Variants in TRPS1 observed in about 807,000 individuals in gnomAD.
The protein encoded by TRPS1 is zinc finger transcription factor Trps1.
In TRPS1, 6 loss-of-function variants were observed where a neutral mutation model predicts 101.2. The ratio of observed to expected loss-of-function variants is 0.06; its 90% CI spans 0.03 to 0.12. The LOEUF (loss-of-function observed/expected upper bound fraction) is 0.12. Among genes scored for constraint, TRPS1 ranks in the 10% least tolerant of loss-of-function variants. The pLI, the probability that TRPS1 is intolerant of heterozygous loss-of-function variation, is 1.00. For synonymous variants in TRPS1, 578 were observed against 589.8 expected (o/e 0.98, Z 0.29); for missense variants, 1,363 against 1,567.0 (o/e 0.87, Z 2.20).
intron 5 of TRPS1, among the ~76,000 whole-genome samples, chr8:115,503,316 A>G (rs1325793478): frequency 6.6e-6 from 1 of 151,960 alleles, no homozygotes; most frequent in Non-Finnish European, 1.5e-5. Context: ...TACGCGAATT[A>G]CCATAAAATT....
intron 5 of TRPS1, among the ~76,000 whole-genome samples, chr8:115,429,349 G>GT (rs1248583476): frequency 6.6e-6 from 1 of 152,182 alleles, no homozygotes; most frequent in African/African-American, 2.4e-5. Flanking sequence ...GAAGAAAGCA[G>GT]TGATTGTCTT....
chr8:115,617,543 C>G (rs77724522), intron 3 of TRPS1, among the ~76,000 whole-genome samples: 3,384 of 152,250 alleles, frequency 0.022, 108 homozygotes, highest in African/African-American at 0.076. Context: ...CCCTGACAGC[C>G]TAGATCAGCT....
intron 4 of TRPS1, among the ~76,000 whole-genome samples, chr8:115,595,611 C>A (rs1817768460): frequency 6.6e-6 from 1 of 151,840 alleles, no homozygotes; most frequent in Non-Finnish European, 1.5e-5. Context: ...TCTTAAAAAT[C>A]AAACTTAGAA....
chr8:115,623,817 G>A, intron 1 of TRPS1, 59 bp from the exon 2 acceptor site: 9 of 1,376,430 alleles, frequency 6.5e-6, no homozygotes, highest in Non-Finnish European at 8.5e-6. Flanking sequence ...ATATTTTCAT[G>A]TATCACACCT....
chr8:115,418,240 T>G lies in TRPS1; in HGVS notation c.2823+90A>C, dbSNP rs1365264002. The G allele has an allele frequency of 6.2e-7, 1 of 1,610,528 alleles. No homozygotes were observed. The highest frequency in any genetic ancestry group is 8.5e-7 in the Non-Finnish European group (1 of 1,177,880). ...AAAACAACCCTGCGGGGGCAGGCACTGCAAGCCAGGGAATGGGACTTATCA... is the reference window on the plus strand; with the variant it reads ...AAAACAACCCTGCGGGGGCAGGCACGGCAAGCCAGGGAATGGGACTTATCA... On this transcript the variant is annotated intron_variant, in intron 6 of 6. Coordinates refer to ENST00000395715, the MANE Select transcript of TRPS1 (RefSeq NM_014112.5). This position sits in a 1 kb window ranked among gnomAD's most constrained non-coding sequence, Gnocchi z 4.3.
At position 115,449,647 on chromosome 8, in the gene TRPS1, T is replaced by C. The variant is rs376001600; in HGVS notation, c.2701-31195A>G. 5.3e-4 allele frequency among the ~76,000 whole-genome samples: 80 copies of C among 152,332 alleles called. 1 individual carries two copies. The highest frequency in any genetic ancestry group is 1.9e-3 in the African/African-American group (79 of 41,584). Reference sequence around the variant, plus strand: ...GGCCCCACACCAAAATTTCATGATTTCTTCTCCATATTCTCTGCAACATAT... The same window carrying C: ...GGCCCCACACCAAAATTTCATGATTCCTTCTCCATATTCTCTGCAACATAT... On this transcript the variant is annotated intron_variant, in intron 5 of 6. Transcript: ENST00000395715.
intron 5 of TRPS1, among the ~76,000 whole-genome samples, chr8:115,479,956 T>C (rs1371686077): frequency 6.6e-6 from 1 of 152,112 alleles, no homozygotes; most frequent in African/African-American, 2.4e-5. Context: ...AATGGTTTTT[T>C]ACTTCCCAAT....
chr8:115,564,936 T>C (rs1258258863), intron 5 of TRPS1, among the ~76,000 whole-genome samples: 3 of 152,128 alleles, frequency 2.0e-5, no homozygotes, highest in African/African-American at 7.2e-5. Context: ...TTGAAAAGAC[T>C]GTCATTAAAA....
intron 5 of TRPS1, among the ~76,000 whole-genome samples, chr8:115,447,796 T>C (rs1307564206): frequency 6.6e-6 from 1 of 152,188 alleles, no homozygotes; most frequent in African/African-American, 2.4e-5. Context: ...CCAAAACTTA[T>C]GTTCAGTGTC....
intron 4 of TRPS1, among the ~76,000 whole-genome samples, chr8:115,599,461 G>A (rs147457299): frequency 0.016 from 2,480 of 152,022 alleles, 59 homozygotes; most frequent in African/African-American, 0.057. Context: ...ACATGCATTA[G>A]GTATTTGTCC....
chr8:115,562,180 TA>T (rs1231286681), intron 5 of TRPS1, among the ~76,000 whole-genome samples: 1 of 152,032 alleles, frequency 6.6e-6, no homozygotes, highest in Non-Finnish European at 1.5e-5. Flanking sequence ...TTTTAAAAAA[TA>T]GACCAATGAT....
intron 3 of TRPS1, 147 bp from the exon 4 acceptor site, chr8:115,605,149 G>A: frequency 1.3e-6 from 1 of 755,260 alleles, no homozygotes; most frequent in South Asian, 1.7e-5. Flanking sequence ...TGAATAATCA[G>A]AGCCAAATAA....
intron 5 of TRPS1, among the ~76,000 whole-genome samples, chr8:115,442,336 T>G (rs1464981404): frequency 2.0e-5 from 3 of 152,162 alleles, no homozygotes; most frequent in Non-Finnish European, 4.4e-5. Context: ...TAATTTTCTA[T>G]TTTTGCTTGC....
intron 1 of TRPS1, among the ~76,000 whole-genome samples, chr8:115,653,822 C>A (rs1387249693): frequency 6.6e-6 from 1 of 152,172 alleles, no homozygotes; most frequent in African/African-American, 2.4e-5. Context: ...ACCAGCCCAG[C>A]GGTTTCCAGG....
chr8:115,505,997 T>C (rs1337376678), intron 5 of TRPS1, among the ~76,000 whole-genome samples: 2 of 152,104 alleles, frequency 1.3e-5, no homozygotes, highest in Non-Finnish European at 2.9e-5. Flanking sequence ...AATATTAATC[T>C]ATGACTTAAA....
Position 115,499,352 on chromosome 8 carries a change from C to T in TRPS1, c.2701-80900G>A, listed in dbSNP as rs185903640. 7.5e-3 allele frequency among the ~76,000 whole-genome samples: 1,134 copies of T among 152,094 alleles called. 18 individuals are homozygous for T. The highest frequency in any genetic ancestry group is 0.026 in the African/African-American group (1,067 of 41,506). On this transcript the variant is annotated intron_variant, in intron 5 of 6. Transcript: ENST00000395715. Reference sequence around the variant, plus strand: ...TTCTTTAGAAAATAAAACAATTTTTCGTTGTTTTCATAATGCTACATAAAA... The same window carrying T: ...TTCTTTAGAAAATAAAACAATTTTTTGTTGTTTTCATAATGCTACATAAAA...
At chr8:115,529,988 A>G (rs1216756298) in intron 5 of TRPS1, among the ~76,000 whole-genome samples, 1 of 152,150 alleles carries the variant, frequency 6.6e-6, no homozygotes, top group East Asian at 1.9e-4. Flanking sequence ...CATCAGAAAG[A>G]AAGGGGTAAA....
In TRPS1 at chr8:115,604,992, C is replaced by T; in HGVS notation, c.977G>A (p.Gly326Asp). Reference protein sequence around the residue: ...NGTYDVQVTSGGTFIGIGRKT... With the variant: ...NGTYDVQVTSDGTFIGIGRKT... ...CCGTCCAATGCCAATGAATGTTCCA[C>T]CTGAAGTCACCTGGAGAACAGAAGA... Residue 326 changes from glycine (G) to aspartate (D), a missense_variant, in exon 4 of 7, where the codon GGT (glycine) becomes GAT (aspartate). By Grantham distance (94) the Gly-to-Asp change is moderately conservative. This residue lies in a region of TRPS1 where 1,020 missense variants were observed against 1,073.0 expected (regional missense o/e 0.95). Transcript: ENST00000395715. The surrounding 1 kb of genome is among the most constrained non-coding windows in gnomAD (Gnocchi z 4.1). The T allele has an allele frequency of 1.2e-6, 2 of 1,613,274 alleles. No individual in the cohort carries two copies. Among genetic ancestry groups the T allele is most frequent in the African/African-American group, 2.7e-5 (2 of 75,004 alleles).
At chr8:115,552,555 T>C (rs1220292286) in intron 5 of TRPS1, among the ~76,000 whole-genome samples, 5 of 152,178 alleles carry the variant, frequency 3.3e-5, no homozygotes, top group Non-Finnish European at 7.4e-5. Context: ...AAATATATTA[T>C]ACAGCAAATG....
Sources: allele counts gnomAD v4.1 joint callset (sites outside exome capture counted in the v4.1 genomes callset), GRCh38; gene constraint gnomAD v4.1.1; regional missense constraint gnomAD v4.1.1; non-coding constraint Gnocchi (gnomAD v3.1); transcripts MANE v1.5; gene names NCBI Gene and HGNC (gene_info 2026-07-23, HGNC 2026-07-21).